The following PPTC7 variants were observed in gnomAD, a reference collection of about 807,000 sequenced individuals.
PPTC7 encodes protein phosphatase PTC7 homolog.
Under a neutral mutation model 30.8 loss-of-function variants are expected in PPTC7, and 6 were observed. That is an observed-to-expected ratio of 0.19 (90% CI 0.11 to 0.38). PPTC7 has a LOEUF of 0.38. PPTC7 is among the 10% of genes least tolerant of loss of function. PPTC7 has a pLI of 1.00. For synonymous variants in PPTC7, 163 were observed against 168.1 expected (o/e 0.97, Z 0.23); for missense variants, 218 against 404.8 (o/e 0.54, Z 3.96).
Position 110,551,844 on chromosome 12 carries a change from A to T in PPTC7, c.348T>A (p.Ile116=), listed in dbSNP as rs1033276635. The change falls in exon 2 of 6, where the codon ATT becomes ATA. Residue 116 remains isoleucine (I), a synonymous_variant. Transcript: ENST00000354300. ...KEGRFVPSNP[I]GILTTSYCEL... ...CACAGTAGCTTGTGGTGAGAATTCC[A>T]ATGGGATTACTAGGTACGAACCGTC... 1.2e-6 allele frequency: 2 copies of T among 1,614,210 alleles called. No individual in the cohort carries two copies. Among genetic ancestry groups the T allele is most frequent in the African/African-American group, 2.7e-5 (2 of 75,050 alleles).
At chr12:110,567,281 T>C (rs890630103) in intron 1 of PPTC7, among the ~76,000 whole-genome samples, 2 of 152,198 alleles carry the variant, frequency 1.3e-5, no homozygotes, top group African/African-American at 4.8e-5. Flanking sequence ...TGAATCGGTG[T>C]GGCCAGGGTG....
In PPTC7 at chr12:110,546,065, G is replaced by A. The variant is rs2064303471; in HGVS notation, c.417C>T (p.Ala139=). The change falls in exon 3 of 6, where the codon GCC becomes GCT. Residue 139 remains alanine (A), a synonymous_variant. Transcript: ENST00000354300. ...TGGTTCTGTCCAGCACCACAATGCA[G>A]GCGGTGCTGCTACCTAGAAACAAAA... is the stretch of plus-strand genomic sequence containing the variant. ...NKVPLLGSST[A]CIVVLDRTSH... 84 of 1,613,554 alleles carry A rather than the reference G, an allele frequency of 5.2e-5. No individual in the cohort carries two copies. Among genetic ancestry groups the A allele is most frequent in the Non-Finnish European group, 7.0e-5 (82 of 1,179,748 alleles).
At chr12:110,579,132 G>A (rs956984895) in intron 1 of PPTC7, among the ~76,000 whole-genome samples, 14 of 150,874 alleles carry the variant, frequency 9.3e-5, no homozygotes, top group Non-Finnish European at 1.6e-4. Context: ...CTGGGTGGCA[G>A]AGCAAGACTC....
intron 1 of PPTC7, among the ~76,000 whole-genome samples, chr12:110,561,911 G>A (rs562818337): frequency 1.6e-4 from 25 of 152,144 alleles, no homozygotes; most frequent in East Asian, 9.7e-4. Flanking sequence ...CACTGTACAT[G>A]AGCCTGGGTG....
At chr12:110,571,781 T>C (rs2064539131) in intron 1 of PPTC7, among the ~76,000 whole-genome samples, 1 of 152,214 alleles carries the variant, frequency 6.6e-6, no homozygotes, top group Non-Finnish European at 1.5e-5. Flanking sequence ...TGGTGAATTG[T>C]GTATTGTAAT....
chr12:110,546,887 C>T (rs1414824230), intron 2 of PPTC7: 2 of 151,836 alleles, frequency 1.3e-5, no homozygotes, highest in Non-Finnish European at 2.9e-5. Context: ...GAAAAAATGA[C>T]CACCTCACTA....
In PPTC7 at chr12:110,534,883, T is replaced by G. The variant is rs2064207432; in HGVS notation, c.*2154A>C. The G allele has an allele frequency of 6.6e-6, 1 of 152,576 alleles. No homozygotes were observed. The highest frequency in any genetic ancestry group is 1.5e-5 in the Non-Finnish European group (1 of 68,030). The allele number at this position is 152,576 out of a possible 1,614,324, so 9.5% of individuals were successfully genotyped here. A position where few individuals can be genotyped will look rare whatever the true frequency, so the allele number is the denominator to read the frequency against. ...TGAGAGCAGAGAAAAACCAGAAACT[T>G]GACGAGCACTGCTCTTACCAGGAAT... On this transcript the variant is annotated 3_prime_UTR_variant, in exon 6 of 6. Transcript: ENST00000354300.
chr12:110,572,966 G>A (rs1273819583), intron 1 of PPTC7, among the ~76,000 whole-genome samples: 3 of 152,026 alleles, frequency 2.0e-5, no homozygotes, highest in Admixed American at 6.6e-5. Context: ...CGCAACCTCC[G>A]CCTCCCGGGT....
At chr12:110,574,141 TAAAAAAAAAAA>T (rs58133391) in intron 1 of PPTC7, among the ~76,000 whole-genome samples, 1,536 of 37,602 alleles carry the variant, frequency 0.041, 25 homozygotes, top group Middle Eastern at 0.12. Context: ...CCACAATAAT[TAAAAAAAAAAA>T]AAAAAAAAAA....
At chr12:110,546,395 G>A in intron 2 of PPTC7, 1 of 298,770 alleles carries the variant, frequency 3.3e-6, no homozygotes, top group Non-Finnish European at 6.4e-6. Flanking sequence ...CAACAGTGCT[G>A]TCATCTATGC....
Position 110,537,027 on chromosome 12 carries a change from G to C in PPTC7, c.*10C>G, listed in dbSNP as rs769420249. The C allele has an allele frequency of 6.2e-7, 1 of 1,608,278 alleles. No homozygotes were observed. The highest frequency in any genetic ancestry group is 1.1e-5 in the South Asian group (1 of 90,782). On this transcript the variant is annotated 3_prime_UTR_variant, in exon 6 of 6. Transcript: ENST00000354300. ...GATGATGAAAGGAAAGGCAGGACTT[G>C]ACACCTCAGCTAGTCTGTATACTCA...
At chr12:110,582,779 T>C (rs891378961) in intron 1 of PPTC7, 30 bp downstream of exon 1, 7 of 1,516,696 alleles carry the variant, frequency 4.6e-6, no homozygotes, top group Non-Finnish European at 6.2e-6. Context: ...GATCCGAGGC[T>C]GGGGCAAGGG....
Position 110,534,097 on chromosome 12 carries a change from G to T in PPTC7, c.*2940C>A, listed in dbSNP as rs186717024. On this transcript the variant is annotated 3_prime_UTR_variant, in exon 6 of 6. Transcript: ENST00000354300. ...TTTCTTTTAGTTTTTAGAGCCTATG[G>T]ACTCTACTGCATCTCCATTTGGTAA... 19 of 151,884 alleles carry T rather than the reference G, an allele frequency of 1.3e-4. No individual in the cohort carries two copies. The East Asian group carries it at 3.7e-3, about 29-fold the overall frequency. The allele number at this position is 151,884 out of a possible 1,614,324, so 9.4% of individuals were successfully genotyped here. A position where few individuals can be genotyped will look rare whatever the true frequency, so the allele number is the denominator to read the frequency against.
chr12:110,579,555 A>C (rs1044856621), intron 1 of PPTC7, among the ~76,000 whole-genome samples: 1 of 152,148 alleles, frequency 6.6e-6, no homozygotes, highest in African/African-American at 2.4e-5. Context: ...AGCCCATGCA[A>C]AATTTTATCT....
chr12:110,542,482 C>G (rs188340729), intron 3 of PPTC7, among the ~76,000 whole-genome samples: 2 of 151,416 alleles, frequency 1.3e-5, no homozygotes, highest in East Asian at 1.9e-4. Context: ...GACCAGCCTG[C>G]CCAACATGGT....
intron 2 of PPTC7, among the ~76,000 whole-genome samples, chr12:110,548,648 C>A (rs2064328391): frequency 6.6e-6 from 1 of 152,168 alleles, no homozygotes; most frequent in Non-Finnish European, 1.5e-5. Flanking sequence ...AGAAAAACAA[C>A]CCGAGTAGCA....
At chr12:110,544,788 A>G (rs1045089163) in intron 3 of PPTC7, among the ~76,000 whole-genome samples, 2 of 152,090 alleles carry the variant, frequency 1.3e-5, no homozygotes, top group African/African-American at 2.4e-5. Context: ...AGCTGAGATC[A>G]TGCCATTGCA....
chr12:110,567,004 G>T (rs1015067073), intron 1 of PPTC7, among the ~76,000 whole-genome samples: 3 of 152,152 alleles, frequency 2.0e-5, no homozygotes, highest in Non-Finnish European at 4.4e-5. Context: ...CCAACTCAAA[G>T]ATTTCTCATT....
chr12:110,583,241 C>T lies in PPTC7; in HGVS notation c.-210G>A, dbSNP rs1053483289. On this transcript the variant is annotated 5_prime_UTR_variant, in exon 1 of 6. Transcript: ENST00000354300. ...GGAGCCAGAGCGAGGTCAGAAGCGG[C>T]GGCTCCTCCGCCTCAGCCCAACTGA... 203 of 181,218 alleles carry T rather than the reference C, an allele frequency of 1.1e-3. 1 individual carries two copies. Among genetic ancestry groups the T allele is most frequent in the Non-Finnish European group, 4.6e-4 (41 of 89,706 alleles). 11.2% of individuals were successfully genotyped at this position (181,218 alleles called of 1,614,324 possible).
Sources: allele counts gnomAD v4.1 joint callset (sites outside exome capture counted in the v4.1 genomes callset), GRCh38; gene constraint gnomAD v4.1.1; transcripts MANE v1.5; gene names NCBI Gene and HGNC (gene_info 2026-07-23, HGNC 2026-07-21).